The following OR1J2 variants were observed in gnomAD, a reference collection of about 807,000 sequenced individuals.
OR1J2 encodes the protein olfactory receptor family 1 subfamily J member 2.
For synonymous variants in OR1J2, 142 were observed against 99.7 expected (o/e 1.42, Z -2.52); for missense variants, 304 against 246.1 (o/e 1.24, Z -1.57).
chr9:122,567,917 T>C, the OR1J2 span: 7 of 1,614,010 alleles, frequency 4.3e-6, no homozygotes, highest in East Asian at 1.6e-4. Flanking sequence ...AGCAGGACAA[T>C]TTCAGCACAG....
chr9:122,492,295 T>A, the OR1J2 span, among the ~76,000 whole-genome samples: 1 of 152,168 alleles, frequency 6.6e-6, no homozygotes, highest in African/African-American at 2.4e-5. Context: ...GATAATGACC[T>A]CCAGCTGCAT....
chr9:122,567,525 C>T, the OR1J2 span: 14 of 1,509,840 alleles, frequency 9.3e-6, no homozygotes, highest in Middle Eastern at 1.8e-4. Flanking sequence ...ATTCCACTTA[C>T]GAGTTTTTCA....
the OR1J2 span, chr9:122,553,130 T>A: frequency 6.9e-7 from 1 of 1,448,218 alleles, no homozygotes; most frequent in Non-Finnish European, 9.5e-7. Context: ...GCCACACAGA[T>A]GCATATCTGT....
the OR1J2 span, among the ~76,000 whole-genome samples, chr9:122,485,551 C>G: frequency 1.3e-5 from 2 of 152,180 alleles, no homozygotes; most frequent in Non-Finnish European, 2.9e-5. Context: ...AAGACATCAC[C>G]CTCAATAGCT....
chr9:122,548,008 T>G, the OR1J2 span, among the ~76,000 whole-genome samples: 1 of 152,192 alleles, frequency 6.6e-6, no homozygotes, highest in South Asian at 2.1e-4. Flanking sequence ...TGATATCTCA[T>G]TGTGGTTTTA....
the OR1J2 span, chr9:122,553,708 T>C: frequency 1.9e-6 from 3 of 1,614,156 alleles, no homozygotes; most frequent in Non-Finnish European, 2.5e-6. Context: ...ACACTGTTGC[T>C]GACCCGCGTG....
At chr9:122,482,844 A>G in the OR1J2 span, among the ~76,000 whole-genome samples, 1 of 152,190 alleles carries the variant, frequency 6.6e-6, no homozygotes, top group African/African-American at 2.4e-5. Context: ...AATAGTGGTT[A>G]CCAGAGCCTG....
chr9:122,518,938 A>G, the OR1J2 span, among the ~76,000 whole-genome samples: 1 of 151,660 alleles, frequency 6.6e-6, no homozygotes, highest in African/African-American at 2.4e-5. Flanking sequence ...CAAACCCTCT[A>G]CTCTCTTGGC....
At chr9:122,470,496 C>T in the OR1J2 span, among the ~76,000 whole-genome samples, 1 of 152,206 alleles carries the variant, frequency 6.6e-6, no homozygotes, top group Non-Finnish European at 1.5e-5. Context: ...AGAACCTTTG[C>T]TAGGGCAGGG....
At chr9:122,495,885 G>C in the OR1J2 span, among the ~76,000 whole-genome samples, 1 of 152,172 alleles carries the variant, frequency 6.6e-6, no homozygotes, top group Non-Finnish European at 1.5e-5. Context: ...GTGCTCCCTT[G>C]ATGTGGTGCT....
the OR1J2 span, among the ~76,000 whole-genome samples, chr9:122,528,665 G>C: frequency 1.3e-5 from 2 of 152,076 alleles, no homozygotes; most frequent in Non-Finnish European, 2.9e-5. Flanking sequence ...TAAATTTCTA[G>C]GATACAATTT....
At chr9:122,579,641 A>G in the OR1J2 span, among the ~76,000 whole-genome samples, 2 of 152,212 alleles carry the variant, frequency 1.3e-5, no homozygotes, top group Admixed American at 1.3e-4. Flanking sequence ...TTTACATTTG[A>G]GACTGAAGGA....
chr9:122,526,471 T>G, the OR1J2 span: 1 of 1,566,328 alleles, frequency 6.4e-7, no homozygotes, highest in South Asian at 1.2e-5. Context: ...ATGGTGTACA[T>G]TGCAGCTGCT....
At chr9:122,565,783 T>C in the OR1J2 span, among the ~76,000 whole-genome samples, 1 of 152,268 alleles carries the variant, frequency 6.6e-6, no homozygotes, top group Non-Finnish European at 1.5e-5. Flanking sequence ...CTTTTATGGA[T>C]CATGCTCTTT....
chr9:122,580,405 C>A, the OR1J2 span, among the ~76,000 whole-genome samples: 1 of 152,156 alleles, frequency 6.6e-6, no homozygotes, highest in Non-Finnish European at 1.5e-5. Context: ...TGATCATTTA[C>A]AAATAAAACC....
chr9:122,491,437 A>G, the OR1J2 span, among the ~76,000 whole-genome samples: 1 of 151,970 alleles, frequency 6.6e-6, no homozygotes, highest in African/African-American at 2.4e-5. Flanking sequence ...AAGGGAGGAG[A>G]GAAGAGGAAA....
chr9:122,570,214 C>G, the OR1J2 span, among the ~76,000 whole-genome samples: 4,114 of 150,672 alleles, frequency 0.027, 153 homozygotes, highest in African/African-American at 0.09. Context: ...ATGGCTGGGT[C>G]AAATGGTATT....
chr9:122,542,472 G>T, the OR1J2 span, among the ~76,000 whole-genome samples: 2 of 152,034 alleles, frequency 1.3e-5, no homozygotes, highest in African/African-American at 4.8e-5. Context: ...CAGTTGCCCT[G>T]TATTTTCAAC....
At chr9:122,460,291 A>G in the OR1J2 span, among the ~76,000 whole-genome samples, 2 of 152,022 alleles carry the variant, frequency 1.3e-5, no homozygotes, top group Admixed American at 1.3e-4. Context: ...ATTTTTGTAT[A>G]AGGTGAGAGA....
Sources: gnomAD v4.1 joint callset for allele counts (sites outside exome capture counted in the v4.1 genomes callset) on GRCh38, gnomAD v4.1.1 for gene constraint, MANE v1.5 for transcripts, NCBI Gene and HGNC (gene_info 2026-07-23, HGNC 2026-07-21) for gene names.